The following SPATS2 variants were observed in gnomAD, a reference collection of about 807,000 sequenced individuals.
SPATS2 encodes the protein spermatogenesis-associated serine-rich protein 2.
Under a neutral mutation model 63.7 loss-of-function variants are expected in SPATS2, and 38 were observed. That is an observed-to-expected ratio of 0.60 (90% CI 0.46 to 0.78). SPATS2 has a LOEUF of 0.78. Among genes scored for constraint, SPATS2 ranks in the 30% least tolerant of loss-of-function variants. SPATS2 has a pLI of 0.00. For synonymous variants in SPATS2, 207 were observed against 232.9 expected (o/e 0.89, Z 1.01); for missense variants, 588 against 666.2 (o/e 0.88, Z 1.29).
chr12:49,377,012 A>C (rs1045117190), intron 2 of SPATS2, among the ~76,000 whole-genome samples: 5 of 152,092 alleles, frequency 3.3e-5, no homozygotes, highest in African/African-American at 1.2e-4. Flanking sequence ...CACCTCACCC[A>C]GCCCAGTGTT....
intron 10 of SPATS2, among the ~76,000 whole-genome samples, chr12:49,516,623 T>C (rs1322736104): frequency 1.3e-5 from 2 of 151,468 alleles, no homozygotes; most frequent in East Asian, 1.9e-4. Flanking sequence ...GGAGAATCAC[T>C]TGAACCCAGG....
intron 9 of SPATS2, among the ~76,000 whole-genome samples, chr12:49,500,480 A>C (rs1946546145): frequency 6.6e-6 from 1 of 152,142 alleles, no homozygotes; most frequent in Non-Finnish European, 1.5e-5. Context: ...TATACTTTAA[A>C]GTCTCCTTTT....
At position 49,396,433 on chromosome 12, in the gene SPATS2, A is replaced by T. The variant is rs374333115; in HGVS notation, c.-244+25143A>T. On this transcript the variant is annotated intron_variant, in intron 2 of 13. Transcript: ENST00000552918. ...GGGAGGTTTGTTTCTCTGTCTGTGT[A>T]TGTGTGTGTATTTTCTTTAACCCTG... Among the ~76,000 whole-genome samples, 14 of 152,146 alleles carry T rather than the reference A, an allele frequency of 9.2e-5. No homozygotes were observed. In the South Asian group the frequency reaches 2.9e-3, roughly 32 times the overall value.
At chr12:49,436,408 C>A (rs1439558544) in intron 2 of SPATS2, among the ~76,000 whole-genome samples, 3 of 140,012 alleles carry the variant, frequency 2.1e-5, no homozygotes, top group Non-Finnish European at 4.6e-5. Context: ...GCTGACCCCC[C>A]CACCTCCCTC....
Position 49,526,469 on chromosome 12 carries a change from T to C in SPATS2, c.*214T>C, listed in dbSNP as rs1184288185. ...TTTTCCTTGATCTTTCCCAGTGATA[T>C]GGATTGAATCTGGTTGGTCATTTCC... On this transcript the variant is annotated 3_prime_UTR_variant, in exon 14 of 14. Coordinates refer to ENST00000552918, the MANE Select transcript of SPATS2 (RefSeq NM_023071.4). 9.7e-6 allele frequency: 6 copies of C among 620,714 alleles called. No individual in the cohort carries two copies. The highest frequency in any genetic ancestry group is 6.7e-5 in the Admixed American group (2 of 30,012). The allele number at this position is 620,714 out of a possible 1,614,324, so 38.5% of individuals were successfully genotyped here.
intron 7 of SPATS2, among the ~76,000 whole-genome samples, chr12:49,496,619 A>G (rs1946468179): frequency 6.6e-6 from 1 of 152,168 alleles, no homozygotes; most frequent in African/African-American, 2.4e-5. Context: ...TCTTCTCTTC[A>G]TTCCGGACGC....
intron 6 of SPATS2, 106 bp from the exon 7 acceptor site, chr12:49,494,635 A>C (rs1592455425): frequency 8.9e-7 from 1 of 1,120,778 alleles, no homozygotes; most frequent in East Asian, 2.7e-5. Context: ...AACATACAAG[A>C]AATTGGTAAC....
At chr12:49,406,136 T>C (rs946298392) in intron 2 of SPATS2, among the ~76,000 whole-genome samples, 5 of 152,104 alleles carry the variant, frequency 3.3e-5, no homozygotes, top group African/African-American at 1.2e-4. Context: ...TGGTGGTGCA[T>C]GCTGGTAATC....
At chr12:49,412,275 A>G (rs1333512976) in intron 2 of SPATS2, among the ~76,000 whole-genome samples, 2 of 151,916 alleles carry the variant, frequency 1.3e-5, no homozygotes. Context: ...GCTCACTGCA[A>G]CCTCTGCCTC....
chr12:49,449,229 T>G (rs566690661), intron 2 of SPATS2, among the ~76,000 whole-genome samples: 2 of 152,310 alleles, frequency 1.3e-5, no homozygotes, highest in African/African-American at 4.8e-5. Flanking sequence ...GTTTGTTTGT[T>G]TTCTGAGGCA....
chr12:49,410,041 G>A (rs1450437178), intron 2 of SPATS2, among the ~76,000 whole-genome samples: 2 of 152,040 alleles, frequency 1.3e-5, no homozygotes, highest in African/African-American at 4.8e-5. Context: ...TGTAGAATCA[G>A]GGCTGGAAGA....
intron 2 of SPATS2, among the ~76,000 whole-genome samples, chr12:49,422,073 C>T (rs1196145919): frequency 1.3e-5 from 2 of 152,172 alleles, no homozygotes; most frequent in South Asian, 2.1e-4. Context: ...GCATTATCTG[C>T]TCTAATTTCA....
chr12:49,408,841 C>G (rs1412422409), intron 2 of SPATS2, among the ~76,000 whole-genome samples: 1 of 152,096 alleles, frequency 6.6e-6, no homozygotes, highest in African/African-American at 2.4e-5. Context: ...CAGGTTTGAG[C>G]CACCGCGCCT....
intron 2 of SPATS2, among the ~76,000 whole-genome samples, chr12:49,410,465 A>T (rs11169001): frequency 6.6e-6 from 1 of 152,170 alleles, no homozygotes; most frequent in African/African-American, 2.4e-5. Context: ...GGGATGCAGA[A>T]TGAGTAAGAC....
In SPATS2 at chr12:49,496,981, T is replaced by C. The variant is rs1390286907; in HGVS notation, c.675T>C (p.Asp225=). The change falls in exon 8 of 14, where the codon GAT becomes GAC. Residue 225 remains aspartate, a synonymous_variant. Transcript: ENST00000552918. ...AGTTTTCAAATATGGGGATGGAAGA[T>C]GTTCCCCTCGCCACCAGTAAAAAGC... ...ETQFSNMGME[D]VPLATSKKLS... is the part of the protein sequence containing the mutation. 2 of 1,581,624 alleles carry C rather than the reference T, an allele frequency of 1.3e-6. No individual in the cohort carries two copies. The highest frequency in any genetic ancestry group is 1.2e-5 in the South Asian group (1 of 86,244).
At chr12:49,431,397 C>T (rs1370033264) in intron 2 of SPATS2, among the ~76,000 whole-genome samples, 2 of 152,074 alleles carry the variant, frequency 1.3e-5, no homozygotes, top group African/African-American at 2.4e-5. Flanking sequence ...TACAGGCACG[C>T]GCCACCACGC....
intron 2 of SPATS2, among the ~76,000 whole-genome samples, chr12:49,377,378 G>A (rs1170266637): frequency 6.6e-6 from 1 of 152,148 alleles, no homozygotes; most frequent in Non-Finnish European, 1.5e-5. Context: ...TCTCTAGCCT[G>A]ATGAAAAAGC....
At chr12:49,438,233 TC>T (rs1267969129) in intron 2 of SPATS2, among the ~76,000 whole-genome samples, 3 of 152,204 alleles carry the variant, frequency 2.0e-5, no homozygotes, top group African/African-American at 7.2e-5. Context: ...GGGTCTGACT[TC>T]TTTGTTTAAC....
chr12:49,512,867 C>G (rs560299394), intron 9 of SPATS2: 48 of 1,288,682 alleles, frequency 3.7e-5, no homozygotes, highest in Non-Finnish European at 4.6e-5. Context: ...TTTAGGTATT[C>G]CAATGCTGCT....
Sources: allele counts gnomAD v4.1 joint callset (sites outside exome capture counted in the v4.1 genomes callset), GRCh38; gene constraint gnomAD v4.1.1; transcripts MANE v1.5; gene names NCBI Gene and HGNC (gene_info 2026-07-23, HGNC 2026-07-21).